The following FBXO15 variants were observed in gnomAD, a reference collection of about 807,000 sequenced individuals.
FBXO15 encodes F-box only protein 15.
In FBXO15, 30 loss-of-function variants were observed where a neutral mutation model predicts 49.5. The observed-to-expected ratio is 0.61, with a 90% CI of 0.45 to 0.82. FBXO15 has a LOEUF of 0.82. FBXO15 is among the 40% of genes least tolerant of loss of function. FBXO15 has a pLI of 0.00. For synonymous variants in FBXO15, 250 were observed against 232.7 expected, an observed-to-expected ratio of 1.07 and a Z score of -0.68; for missense variants, 591 against 631.5, an observed-to-expected ratio of 0.94 and a Z score of 0.69.
intron 1 of FBXO15, among the ~76,000 whole-genome samples, chr18:74,141,998 C>T (rs1404057877): frequency 6.6e-6 from 1 of 152,152 alleles, no homozygotes; most frequent in Admixed American, 6.5e-5. Context: ...ATCAGCTGCT[C>T]CACTGGCATC....
chr18:74,123,195 C>T, intron 8 of FBXO15, 173 bp downstream of exon 8: 3 of 622,920 alleles, frequency 4.8e-6, no homozygotes, highest in East Asian at 2.9e-5. Flanking sequence ...TGAAGAGACT[C>T]GGTCCAGTGA....
At chr18:74,132,009 C>T (rs541849761) in intron 3 of FBXO15, among the ~76,000 whole-genome samples, 1 of 152,322 alleles carries the variant, frequency 6.6e-6, no homozygotes, top group Admixed American at 6.5e-5. Flanking sequence ...CAAATGCAAG[C>T]TCACATACAG....
rs527621520 is a variant in FBXO15 at position 74,124,915 on chromosome 18, T to C, written c.913-344A>G. Among the ~76,000 whole-genome samples the C allele has an allele frequency of 2.0e-5, 3 of 152,296 alleles. No individual in the cohort carries two copies. In the South Asian group the frequency reaches 6.2e-4, roughly 32 times the overall value. ...TGTTTCAAATTCCTTTCAAAGACTT[T>C]CACAGATACCAGATTAATTCTACAA... is the stretch of plus-strand genomic sequence containing the variant. On this transcript the variant is annotated intron_variant, in intron 6 of 9. Transcript: ENST00000419743.
intron 1 of FBXO15, among the ~76,000 whole-genome samples, chr18:74,145,980 A>G (rs1288279162): frequency 6.6e-6 from 1 of 152,242 alleles, no homozygotes; most frequent in African/African-American, 2.4e-5. Context: ...TACGTCTACA[A>G]GGTTAAGTGT....
intron 9 of FBXO15, 96 bp from the exon 10 acceptor site, chr18:74,073,826 C>A: frequency 2.1e-6 from 3 of 1,433,758 alleles, no homozygotes; most frequent in Admixed American, 2.2e-5. Context: ...AGAAATGCTG[C>A]GTGTGGCATC....
At chr18:74,114,431 G>A (rs1397979165) in intron 8 of FBXO15, among the ~76,000 whole-genome samples, 1 of 152,108 alleles carries the variant, frequency 6.6e-6, no homozygotes, top group East Asian at 1.9e-4. Context: ...AACCAATAAT[G>A]CAACTATATC....
At chr18:74,141,741 G>C (rs544450469) in intron 1 of FBXO15, among the ~76,000 whole-genome samples, 31 of 152,262 alleles carry the variant, frequency 2.0e-4, no homozygotes, top group Admixed American at 3.9e-4. Flanking sequence ...TGGTGAAAAA[G>C]GAGCCCTTGC....
intron 8 of FBXO15, among the ~76,000 whole-genome samples, chr18:74,109,615 G>A (rs923659125): frequency 6.6e-5 from 10 of 152,176 alleles, no homozygotes; most frequent in African/African-American, 1.9e-4. Context: ...TTAAGAAAAT[G>A]TGGCACATAT....
At position 74,073,516 on chromosome 18, in the gene FBXO15, A is replaced by T; in HGVS notation, c.1478T>A (p.Leu493Gln). 6.2e-7 allele frequency: 1 copy of T among 1,614,210 alleles called. No individual in the cohort carries two copies. The highest frequency in any genetic ancestry group is 8.5e-7 in the Non-Finnish European group (1 of 1,180,042). ...TTTTGCGATACTAAGATAAAGGACCAGGTTGACAATAAGGTATTCTTCGGT... is the reference window on the plus strand; with the variant it reads ...TTTTGCGATACTAAGATAAAGGACCTGGTTGACAATAAGGTATTCTTCGGT... Reference protein sequence around the residue: ...RETEEYLIVNLVLYLSIAKIN... With the variant: ...RETEEYLIVNQVLYLSIAKIN... Residue 493 changes from leucine to glutamine, a missense_variant, in exon 10 of 10, where the codon CTG becomes CAG. Coordinates refer to ENST00000419743, the MANE Select transcript of FBXO15 (RefSeq NM_001142958.2).
chr18:74,108,882 G>C (rs1041222432), intron 8 of FBXO15, among the ~76,000 whole-genome samples: 1 of 152,168 alleles, frequency 6.6e-6, no homozygotes, highest in African/African-American at 2.4e-5. Flanking sequence ...AACCAGGCAA[G>C]TAAGAAGAGA....
chr18:74,107,951 G>A (rs1054566762), intron 8 of FBXO15, among the ~76,000 whole-genome samples: 1 of 152,112 alleles, frequency 6.6e-6, no homozygotes, highest in African/African-American at 2.4e-5. Flanking sequence ...TAGCCATTCT[G>A]GAGGTTGTAA....
At chr18:74,102,130 T>C (rs1444962977) in intron 8 of FBXO15, among the ~76,000 whole-genome samples, 3 of 151,962 alleles carry the variant, frequency 2.0e-5, no homozygotes, top group Non-Finnish European at 2.9e-5. Flanking sequence ...TTAATTAAAC[T>C]AAAGAGCTTT....
rs935223515 is a variant in FBXO15 at position 74,130,520 on chromosome 18, T to C, written c.471A>G (p.Glu157=). ...QDKEAGYWKK[E]YITKQIASVK... is the part of the protein sequence containing the mutation. ...CAGATGCTATTTGTTTTGTGATATA[T>C]TCTTTCTTCCAATAACCAGCTTCTT... Residue 157 remains glutamate, a synonymous_variant, in exon 4 of 10, where the codon GAA becomes GAG. Transcript: ENST00000419743. The C allele has an allele frequency of 4.3e-6, 7 of 1,614,088 alleles. No individual in the cohort carries two copies. The highest frequency in any genetic ancestry group is 1.3e-5 in the African/African-American group (1 of 74,948).
intron 8 of FBXO15, chr18:74,122,647 G>C (rs978288358): frequency 5.3e-5 from 8 of 152,188 alleles, no homozygotes; most frequent in African/African-American, 1.9e-4. Context: ...ATCTTAACCA[G>C]ATGATAAAAC....
At chr18:74,130,718 T>G in intron 3 of FBXO15, 60 bp from the exon 4 acceptor site, 2 of 1,511,562 alleles carry the variant, frequency 1.3e-6, no homozygotes, top group Non-Finnish European at 1.8e-6. Flanking sequence ...TTAGTCATAA[T>G]ATATCAAATT....
At chr18:74,079,230 A>G (rs150407480) in intron 9 of FBXO15, among the ~76,000 whole-genome samples, 5 of 152,372 alleles carry the variant, frequency 3.3e-5, no homozygotes, top group Non-Finnish European at 7.3e-5. Context: ...AAATTCTGAT[A>G]GGCGCTGGGA....
At chr18:74,136,946 A>C (rs766272319) in intron 2 of FBXO15, among the ~76,000 whole-genome samples, 4 of 152,196 alleles carry the variant, frequency 2.6e-5, no homozygotes, top group Non-Finnish European at 5.9e-5. Flanking sequence ...TTATGATTTT[A>C]AATTTGTTTA....
chr18:74,096,130 G>A (rs1214115888), intron 8 of FBXO15, among the ~76,000 whole-genome samples: 1 of 152,150 alleles, frequency 6.6e-6, no homozygotes, highest in Non-Finnish European at 1.5e-5. Context: ...TCCCTGGCAG[G>A]AGACCTGTCC....
chr18:74,087,201 G>A (rs761777212), intron 8 of FBXO15, among the ~76,000 whole-genome samples: 6 of 152,238 alleles, frequency 3.9e-5, no homozygotes, highest in Non-Finnish European at 7.3e-5. Context: ...GCTGATGACT[G>A]ATCAGGATGG....
Sources: gnomAD v4.1 joint callset for allele counts (sites outside exome capture counted in the v4.1 genomes callset) on GRCh38, gnomAD v4.1.1 for gene constraint, MANE v1.5 for transcripts, NCBI Gene and HGNC (gene_info 2026-07-23, HGNC 2026-07-21) for gene names.